Variants in THEMIS observed in about 807,000 individuals in gnomAD.
The protein encoded by THEMIS is thymocyte selection associated, also known as protein THEMIS.
Under a neutral mutation model 52.6 loss-of-function variants are expected in THEMIS, and 37 were observed. That is an observed-to-expected ratio of 0.70 (90% CI 0.54 to 0.93). The LOEUF is 0.93. THEMIS is among the 40% of genes least tolerant of loss of function. THEMIS has a pLI of 0.00. For synonymous variants in THEMIS, 292 were observed against 272.7 expected, an observed-to-expected ratio of 1.07 and a Z score of -0.70; for missense variants, 808 against 763.1, an observed-to-expected ratio of 1.06 and a Z score of -0.69.
At chr6:127,850,145 A>T (rs572806033) in intron 2 of THEMIS, among the ~76,000 whole-genome samples, 1 of 152,206 alleles carries the variant, frequency 6.6e-6, no homozygotes, top group East Asian at 1.9e-4. Flanking sequence ...AATGCCCAAC[A>T]TAACTAATAA....
chr6:127,709,921 G>A lies in THEMIS; in HGVS notation c.*64C>T. ...GGGAATACTCGTTTTTCAGCTAGAA[G>A]GCTAGCTTCTTTTTTCACTGCAACA... On this transcript the variant is annotated 3_prime_UTR_variant, in exon 6 of 6. Coordinates refer to ENST00000368248, the MANE Select transcript of THEMIS (RefSeq NM_001010923.3). The A allele has an allele frequency of 1.4e-6, 2 of 1,455,522 alleles. No individual in the cohort carries two copies. The highest frequency in any genetic ancestry group is 1.4e-5 in the African/African-American group (1 of 69,924). 90.2% of individuals were successfully genotyped at this position (1,455,522 alleles called of 1,614,324 possible).
intron 3 of THEMIS, among the ~76,000 whole-genome samples, chr6:127,824,825 T>C (rs1484270442): frequency 1.3e-5 from 2 of 152,128 alleles, no homozygotes; most frequent in East Asian, 3.9e-4. Flanking sequence ...CTTGACAGGC[T>C]GAGGCAGGAG....
chr6:127,718,314 A>G (rs920754306), intron 5 of THEMIS, among the ~76,000 whole-genome samples: 7 of 151,874 alleles, frequency 4.6e-5, no homozygotes, highest in African/African-American at 1.7e-4. Context: ...CTCTTGAATG[A>G]AGTTAGGGGG....
Position 127,822,656 on chromosome 6 carries a change from A to T in THEMIS, c.709+6820T>A, listed in dbSNP as rs573179049. 7.2e-5 allele frequency among the ~76,000 whole-genome samples: 11 copies of T among 152,282 alleles called. No individual in the cohort carries two copies. The South Asian group carries it at 2.3e-3, about 32-fold the overall frequency. On this transcript the variant is annotated intron_variant, in intron 3 of 5. Coordinates refer to ENST00000368248, the MANE Select transcript of THEMIS (RefSeq NM_001010923.3). ...ATGTTTGTAATGGTTAGTTTTACATATCAACTTGCTTAGGCTATATTACCT... is the reference window on the plus strand; with the variant it reads ...ATGTTTGTAATGGTTAGTTTTACATTTCAACTTGCTTAGGCTATATTACCT...
At chr6:127,785,480 A>T (rs932395036) in intron 4 of THEMIS, among the ~76,000 whole-genome samples, 4 of 107,632 alleles carry the variant, frequency 3.7e-5, no homozygotes, top group African/African-American at 1.6e-4. Flanking sequence ...ATAAAATTTA[A>T]AAAAAAAAAA....
intron 1 of THEMIS, among the ~76,000 whole-genome samples, chr6:127,887,453 C>A (rs1045612876): frequency 1.3e-5 from 2 of 152,032 alleles, no homozygotes; most frequent in African/African-American, 4.8e-5. Flanking sequence ...AATCATGAAA[C>A]AATCTGAGTG....
At chr6:127,896,211 G>C (rs543975797) in intron 1 of THEMIS, among the ~76,000 whole-genome samples, 105 of 151,264 alleles carry the variant, frequency 6.9e-4, no homozygotes, top group Admixed American at 2.5e-3. Flanking sequence ...CAGTGGTCAT[G>C]AATGAAATAC....
chr6:127,856,222 C>G (rs1159493435), intron 1 of THEMIS, among the ~76,000 whole-genome samples: 2 of 151,896 alleles, frequency 1.3e-5, no homozygotes, highest in East Asian at 3.9e-4. Flanking sequence ...AGAATTGTTC[C>G]TGATATGTAG....
At chr6:127,702,021 A>AT in the THEMIS span, among the ~76,000 whole-genome samples, 62 of 150,226 alleles carry the variant, frequency 4.1e-4, 1 homozygote, top group Middle Eastern at 0.021. Context: ...TGATTCTCGG[A>AT]TTTTTTTTTC....
intron 1 of THEMIS, among the ~76,000 whole-genome samples, chr6:127,883,428 A>G (rs1274048202): frequency 6.6e-6 from 1 of 151,578 alleles, no homozygotes; most frequent in Non-Finnish European, 1.5e-5. Flanking sequence ...AAATAAAAGT[A>G]AATATATATG....
At position 127,772,867 on chromosome 6, in the gene THEMIS, G is replaced by A. The variant is rs1212007504; in HGVS notation, c.1758+40016C>T. ...TTTGAGGGCGTTTGGGGGCAGCTCA[G>A]TCTTAAAAGAATTATTACTCTATAG... is the stretch of plus-strand genomic sequence containing the variant. On this transcript the variant is annotated intron_variant, in intron 4 of 5. Transcript: ENST00000368248. Among the ~76,000 whole-genome samples, 14 of 152,224 alleles carry A rather than the reference G, an allele frequency of 9.2e-5. No homozygotes were observed. The East Asian group carries it at 1.5e-3, about 17-fold the overall frequency.
chr6:127,865,710 G>A (rs1779952164), intron 1 of THEMIS, among the ~76,000 whole-genome samples: 2 of 152,172 alleles, frequency 1.3e-5, no homozygotes, highest in East Asian at 1.9e-4. Flanking sequence ...ATGCCTTGTA[G>A]AAAAGATACA....
chr6:127,907,511 A>C (rs113801797), intron 1 of THEMIS, among the ~76,000 whole-genome samples: 2,674 of 151,968 alleles, frequency 0.018, 86 homozygotes, highest in African/African-American at 0.061. Context: ...GTGATTGATC[A>C]AACTTGGCTC....
At chr6:127,729,258 T>C (rs528991936) in intron 4 of THEMIS, among the ~76,000 whole-genome samples, 4 of 149,644 alleles carry the variant, frequency 2.7e-5, no homozygotes, top group African/African-American at 9.8e-5. Context: ...AAAAAAAACT[T>C]GAAATTTTCT....
At chr6:127,706,576 CA>C (rs1773802177), downstream of THEMIS, among the ~76,000 whole-genome samples, 1 of 152,042 alleles carries the variant, frequency 6.6e-6, no homozygotes, top group African/African-American at 2.4e-5. Context: ...ATCCTGCCTT[CA>C]GGGGGTTTAC....
At chr6:127,771,315 T>G (rs1383532749) in intron 4 of THEMIS, among the ~76,000 whole-genome samples, 1 of 152,064 alleles carries the variant, frequency 6.6e-6, no homozygotes, top group Non-Finnish European at 1.5e-5. Flanking sequence ...GAAGAATCAG[T>G]ATCATGAAAA....
intron 2 of THEMIS, among the ~76,000 whole-genome samples, chr6:127,847,314 CATCCAAA>C (rs1414942840): frequency 6.6e-6 from 1 of 151,848 alleles, no homozygotes; most frequent in Non-Finnish European, 1.5e-5. Flanking sequence ...AAATAAAGGG[CATCCAAA>C]TTGGAAAAGA....
chr6:127,697,945 T>C, the THEMIS span, among the ~76,000 whole-genome samples: 8 of 152,314 alleles, frequency 5.3e-5, no homozygotes, highest in African/African-American at 1.4e-4. Context: ...TACTCCTCCA[T>C]GTATAGTATC....
chr6:127,748,542 G>A (rs1775527575), intron 4 of THEMIS, among the ~76,000 whole-genome samples: 1 of 151,982 alleles, frequency 6.6e-6, no homozygotes, highest in African/African-American at 2.4e-5. Context: ...ACCTCTTAAA[G>A]TCTCCACCTC....
Sources: allele counts gnomAD v4.1 joint callset (sites outside exome capture counted in the v4.1 genomes callset), GRCh38; gene constraint gnomAD v4.1.1; transcripts MANE v1.5; gene names NCBI Gene and HGNC (gene_info 2026-07-23, HGNC 2026-07-21).